The following KCND2 variants were observed in gnomAD, a reference collection of about 807,000 sequenced individuals.
The protein encoded by KCND2 is potassium voltage-gated channel subfamily D member 2.
In KCND2, 16 loss-of-function variants were observed where a neutral mutation model predicts 54.4. That is an observed-to-expected ratio of 0.29 (90% CI 0.20 to 0.45). The LOEUF (loss-of-function observed/expected upper bound fraction) is 0.45, where lower values mean the gene tolerates loss of function less well. KCND2 is among the 20% of genes least tolerant of loss of function. KCND2 has a pLI of 1.00. For missense variants in KCND2, 486 were observed against 824.2 expected (o/e 0.59, Z 5.02); for synonymous variants, 317 against 310.7 (o/e 1.02, Z -0.21).
chr7:120,351,020 G>T (rs1424247972), intron 1 of KCND2, among the ~76,000 whole-genome samples: 1 of 151,706 alleles, frequency 6.6e-6, no homozygotes, highest in Non-Finnish European at 1.5e-5. Flanking sequence ...TTTTTACAGA[G>T]AATTACTTAA....
Position 120,333,618 on chromosome 7 carries a change from A to G in KCND2, c.1115+57871A>G, listed in dbSNP as rs140701799. ...AAAAATTTGTGGAAATGATTTTAAT[A>G]TAATAATTTCCAGAATACAGTGTGC... On this transcript the variant is annotated intron_variant, in intron 1 of 5. Transcript: ENST00000331113. 3.9e-3 allele frequency among the ~76,000 whole-genome samples: 595 copies of G among 152,264 alleles called. 6 individuals carry two copies. The highest frequency in any genetic ancestry group is 0.013 in the African/African-American group (552 of 41,566).
intron 1 of KCND2, among the ~76,000 whole-genome samples, chr7:120,622,468 T>A (rs944857943): frequency 1.3e-5 from 2 of 150,154 alleles, no homozygotes; most frequent in Non-Finnish European, 2.9e-5. Context: ...AATTAATTAA[T>A]TAACCATGCG....
At chr7:120,707,357 T>C (rs774174625) in intron 1 of KCND2, among the ~76,000 whole-genome samples, 2 of 152,090 alleles carry the variant, frequency 1.3e-5, no homozygotes, top group Non-Finnish European at 1.5e-5. Context: ...ATTCATACAC[T>C]AGGACAACTA....
chr7:120,489,797 G>A (rs911751884), intron 1 of KCND2, among the ~76,000 whole-genome samples: 9 of 152,194 alleles, frequency 5.9e-5, no homozygotes, highest in Non-Finnish European at 1.2e-4. Flanking sequence ...TTATAAATAT[G>A]TGGGTCTTGG....
chr7:120,341,521 G>A (rs1249388340), intron 1 of KCND2, among the ~76,000 whole-genome samples: 1 of 152,116 alleles, frequency 6.6e-6, no homozygotes, highest in African/African-American at 2.4e-5. Context: ...ATGACTGCTA[G>A]AGTTGGGATA....
At chr7:120,322,128 T>G (rs1206844853) in intron 1 of KCND2, among the ~76,000 whole-genome samples, 1 of 151,926 alleles carries the variant, frequency 6.6e-6, no homozygotes, top group Non-Finnish European at 1.5e-5. Context: ...TAAAGAAAAT[T>G]TAATATCAAG....
chr7:120,574,152 G>A (rs896107992), intron 1 of KCND2, among the ~76,000 whole-genome samples: 5 of 152,104 alleles, frequency 3.3e-5, no homozygotes, highest in Admixed American at 6.6e-5. Context: ...CACTAAATAG[G>A]TAAAGGATAC....
In KCND2 at chr7:120,729,788, A is replaced by G. The variant is rs558475710; in HGVS notation, c.1116-3115A>G. Among the ~76,000 whole-genome samples, 4 of 152,318 alleles carry G rather than the reference A, an allele frequency of 2.6e-5. No homozygotes were observed. In the South Asian group the frequency reaches 6.2e-4, roughly 24 times the overall value. On this transcript the variant is annotated intron_variant, in intron 1 of 5. Transcript: ENST00000331113. ...TTTCTCAGTTGTGAAGGAATGTTGG[A>G]TTATAAAACAAAGAGATGGTAGAGC... is the stretch of plus-strand genomic sequence containing the variant.
chr7:120,421,222 G>A (rs568166454), intron 1 of KCND2, among the ~76,000 whole-genome samples: 11 of 152,270 alleles, frequency 7.2e-5, no homozygotes, highest in Non-Finnish European at 1.5e-4. Flanking sequence ...CAGCAACAAT[G>A]TCAGCTGTCC....
chr7:120,343,344 A>G (rs1046487502), intron 1 of KCND2, among the ~76,000 whole-genome samples: 1 of 152,144 alleles, frequency 6.6e-6, no homozygotes, highest in Non-Finnish European at 1.5e-5. Flanking sequence ...TCTGTGGCAT[A>G]AAAAATGTAG....
chr7:120,280,967 A>ACCCCT (rs1195863681), intron 1 of KCND2, among the ~76,000 whole-genome samples: 1 of 152,116 alleles, frequency 6.6e-6, no homozygotes, highest in Non-Finnish European at 1.5e-5. Context: ...ATTTATTCAA[A>ACCCCT]CAGCACTGGG....
At chr7:120,364,876 G>C (rs1800644496) in intron 1 of KCND2, among the ~76,000 whole-genome samples, 1 of 152,028 alleles carries the variant, frequency 6.6e-6, no homozygotes. Flanking sequence ...ACAAAGAATT[G>C]CACAGATGGG....
At chr7:120,576,722 A>G (rs529542228) in intron 1 of KCND2, among the ~76,000 whole-genome samples, 3 of 152,182 alleles carry the variant, frequency 2.0e-5, no homozygotes, top group Non-Finnish European at 4.4e-5. Context: ...CCAATATCTG[A>G]AGGTGAGAAG....
intron 1 of KCND2, among the ~76,000 whole-genome samples, chr7:120,307,557 C>T (rs535863477): frequency 1.2e-3 from 184 of 152,186 alleles, no homozygotes; most frequent in African/African-American, 4.1e-3. Flanking sequence ...CCATATCCAT[C>T]TCATTTCTGA....
chr7:120,526,509 A>G (rs905856247), intron 1 of KCND2, among the ~76,000 whole-genome samples: 1 of 152,192 alleles, frequency 6.6e-6, no homozygotes, highest in African/African-American at 2.4e-5. Context: ...GACTCCAAAT[A>G]TAATGATCAG....
chr7:120,633,117 C>T (rs1235396177), intron 1 of KCND2, among the ~76,000 whole-genome samples: 1 of 152,190 alleles, frequency 6.6e-6, no homozygotes, highest in Non-Finnish European at 1.5e-5. Context: ...GTCTCATTTA[C>T]TTCTTGGAGG....
At chr7:120,564,578 A>G (rs979304370) in intron 1 of KCND2, among the ~76,000 whole-genome samples, 3 of 152,304 alleles carry the variant, frequency 2.0e-5, no homozygotes, top group South Asian at 2.1e-4. Context: ...AGATTTCTAC[A>G]TAGAATTGCT....
chr7:120,346,648 T>A (rs1029845438), intron 1 of KCND2, among the ~76,000 whole-genome samples: 1 of 152,026 alleles, frequency 6.6e-6, no homozygotes, highest in African/African-American at 2.4e-5. Flanking sequence ...CTTTTTCTCT[T>A]TTTCAATTTT....
At chr7:120,415,548 C>T (rs535983746) in intron 1 of KCND2, among the ~76,000 whole-genome samples, 1 of 152,150 alleles carries the variant, frequency 6.6e-6, no homozygotes, top group Admixed American at 6.6e-5. Context: ...GCTCCTACCT[C>T]TCTGCACCCA....
Sources: gnomAD v4.1 joint callset for allele counts (sites outside exome capture counted in the v4.1 genomes callset) on GRCh38, gnomAD v4.1.1 for gene constraint, MANE v1.5 for transcripts, NCBI Gene and HGNC (gene_info 2026-07-23, HGNC 2026-07-21) for gene names.